The following APCDD1 variants were observed in gnomAD, a reference collection of about 807,000 sequenced individuals.
APCDD1 encodes the protein protein APCDD1.
Under a neutral mutation model 38.1 loss-of-function variants are expected in APCDD1, and 15 were observed. The observed-to-expected ratio is 0.39, with a 90% CI of 0.26 to 0.61. The LOEUF (loss-of-function observed/expected upper bound fraction) is 0.61. APCDD1 is among the 20% of genes least tolerant of loss of function. The probability of loss-of-function intolerance (pLI) is 0.49; values close to 1 mark genes in which losing one functional copy is unlikely to be tolerated. For missense variants in APCDD1, 647 were observed against 696.2 expected, an observed-to-expected ratio of 0.93 and a Z score of 0.79; for synonymous variants, 261 against 279.7, an observed-to-expected ratio of 0.93 and a Z score of 0.67.
chr18:10,479,994 G>C (rs1402749056), intron 3 of APCDD1, among the ~76,000 whole-genome samples: 1 of 152,016 alleles, frequency 6.6e-6, no homozygotes, highest in Non-Finnish European at 1.5e-5. Context: ...TCCCCTTTCT[G>C]ATGAAAGCTT....
chr18:10,457,153 T>C (rs2143503201), intron 1 of APCDD1, among the ~76,000 whole-genome samples: 1 of 152,314 alleles, frequency 6.6e-6, no homozygotes, highest in South Asian at 2.1e-4. Flanking sequence ...TATCAGACTC[T>C]AGTGCAGAAA....
rs753634389 is a variant in APCDD1, at chr18:10,475,676, AG to A, written c.774+3616del. On this transcript the variant is annotated intron_variant, in intron 3 of 4. Coordinates refer to ENST00000355285, the MANE Select transcript of APCDD1 (RefSeq NM_153000.5). This position sits in a 1 kb window ranked among gnomAD's most constrained non-coding sequence, Gnocchi z 4.0. The stretch of plus-strand genomic sequence containing the variant: ...AAAATTTAGATTAAAAAAAAAAAAA[AG>A]CAAGCAAACACTCCCAGACCCAGAG... 2.9e-5 allele frequency among the ~76,000 whole-genome samples: 4 copies of A among 139,462 alleles called. No individual in the cohort carries two copies. The highest frequency in any genetic ancestry group is 6.3e-5 in the Non-Finnish European group (4 of 63,988). 91.5% of individuals were successfully genotyped at this position (139,462 alleles called of 152,430 possible).
chr18:10,468,293 C>T (rs1351479314), intron 1 of APCDD1, among the ~76,000 whole-genome samples, 176 bp from the exon 2 acceptor site: 1 of 152,242 alleles, frequency 6.6e-6, no homozygotes, highest in Non-Finnish European at 1.5e-5. Context: ...TCTACAATGA[C>T]ACTTGCCACT....
rs2186950 is a variant in APCDD1, at chr18:10,467,129, T to G, written c.59-1340T>G. Among the ~76,000 whole-genome samples the G allele has an allele frequency of 0.11, 16,188 of 152,278 alleles. 988 individuals are homozygous for G. Among genetic ancestry groups the G allele is most frequent in the Middle Eastern group, 0.19 (57 of 294 alleles). ...TGTTTTGTCCACATGATGGTAAATA[T>G]CTGAATATTTAACAGATATCTGAAG... On this transcript the variant is annotated intron_variant, in intron 1 of 4. Transcript: ENST00000355285. The surrounding 1 kb of genome is among the most constrained non-coding windows in gnomAD (Gnocchi z 4.8).
intron 1 of APCDD1, among the ~76,000 whole-genome samples, chr18:10,465,558 A>G (rs2030687839): frequency 6.6e-6 from 1 of 152,260 alleles, no homozygotes; most frequent in Non-Finnish European, 1.5e-5. Context: ...ATTTTCTCAC[A>G]CAGCATCAAT....
In APCDD1 at chr18:10,471,410, C is replaced by A; in HGVS notation, c.243-120C>A. 2.3e-6 allele frequency: 3 copies of A among 1,303,428 alleles called. No homozygotes were observed. The highest frequency in any genetic ancestry group is 2.5e-5 in the South Asian group (2 of 79,482). The allele number at this position is 1,303,428 out of a possible 1,614,324, so 80.7% of individuals were successfully genotyped here. ...GTTGGTATCTATAAAGGGCTGACAACAGAGTCTGGCCCATCGTCAGCACTT... is the reference window on the plus strand; with the variant it reads ...GTTGGTATCTATAAAGGGCTGACAAAAGAGTCTGGCCCATCGTCAGCACTT... On this transcript the variant is annotated intron_variant, in intron 2 of 4. Transcript: ENST00000355285. The surrounding 1 kb of genome is among the most constrained non-coding windows in gnomAD (Gnocchi z 5.5).
In APCDD1 at chr18:10,489,648, G is replaced by A. The variant is rs62093513; in HGVS notation, c.*1610G>A. Reference sequence around the variant, plus strand: ...TGGGAGGTGGAGCTTGCAGTGAGCCGAGATTGTGCCACTGCGCTCGAGCCT... The same window carrying A: ...TGGGAGGTGGAGCTTGCAGTGAGCCAAGATTGTGCCACTGCGCTCGAGCCT... On this transcript the variant is annotated 3_prime_UTR_variant, in exon 5 of 5. Coordinates refer to ENST00000355285, the MANE Select transcript of APCDD1 (RefSeq NM_153000.5). 0.22 allele frequency: 32,875 copies of A among 151,450 alleles called. 3,960 individuals carry two copies. The highest frequency in any genetic ancestry group is 0.33 in the East Asian group (1,708 of 5,102). The allele number at this position is 151,450 out of a possible 1,614,324, so 9.4% of individuals were successfully genotyped here.
At chr18:10,466,914 A>G (rs2030730154) in intron 1 of APCDD1, among the ~76,000 whole-genome samples, 2 of 152,210 alleles carry the variant, frequency 1.3e-5, no homozygotes, top group Non-Finnish European at 2.9e-5. Flanking sequence ...CATTTAGTTG[A>G]GTAATACCCT....
At chr18:10,462,643 C>CTCCTTCCTTCCCTCCCTCCT (rs2030594855) in intron 1 of APCDD1, among the ~76,000 whole-genome samples, 1 of 15,806 alleles carries the variant, frequency 6.3e-5, no homozygotes. Flanking sequence ...CCTTCCCTCC[C>CTCCTTCCTTCCCTCCCTCCT]TCCTTCCTTC....
At chr18:10,459,167 G>A (rs1045832243) in intron 1 of APCDD1, among the ~76,000 whole-genome samples, 2 of 152,208 alleles carry the variant, frequency 1.3e-5, no homozygotes, top group African/African-American at 2.4e-5. Flanking sequence ...TCCACTGGCC[G>A]AAAGGTAGCA....
rs565976831 is a variant in APCDD1, at chr18:10,476,377, A to G, written c.774+4316A>G. On this transcript the variant is annotated intron_variant, in intron 3 of 4. Coordinates refer to ENST00000355285, the MANE Select transcript of APCDD1 (RefSeq NM_153000.5). The surrounding 1 kb of genome is among the most constrained non-coding windows in gnomAD (Gnocchi z 5.8). The stretch of plus-strand genomic sequence containing the variant: ...AGATTCAGGTGTGCTGGGAGGGTTC[A>G]TTCAGGATGGAACTGGCTACTCTTC... 5.3e-5 allele frequency: 8 copies of G among 152,366 alleles called. 1 individual carries two copies. Among genetic ancestry groups the G allele is most frequent in the African/African-American group, 1.9e-4 (8 of 41,602 alleles). The allele number at this position is 152,366 out of a possible 1,614,324, so 9.4% of individuals were successfully genotyped here.
At position 10,470,814 on chromosome 18, in the gene APCDD1, T is replaced by G. The variant is rs1231268002; in HGVS notation, c.243-716T>G. 1.3e-5 allele frequency among the ~76,000 whole-genome samples: 2 copies of G among 152,210 alleles called. No individual in the cohort carries two copies. The highest frequency in any genetic ancestry group is 6.5e-5 in the Admixed American group (1 of 15,292). ...CTGCTGTTATGCTCTGTAGATTCTG[T>G]CTCAGTGCTTCTGGCTCAGGAACCT... On this transcript the variant is annotated intron_variant, in intron 2 of 4. Coordinates refer to ENST00000355285, the MANE Select transcript of APCDD1 (RefSeq NM_153000.5). The surrounding 1 kb of genome is among the most constrained non-coding windows in gnomAD (Gnocchi z 4.1).
intron 1 of APCDD1, among the ~76,000 whole-genome samples, chr18:10,460,154 T>C (rs2030495752): frequency 6.6e-6 from 1 of 152,242 alleles, no homozygotes; most frequent in Admixed American, 6.5e-5. Flanking sequence ...ACTTTTGATT[T>C]CTCAGTCAAT....
intron 3 of APCDD1, among the ~76,000 whole-genome samples, chr18:10,483,497 C>T (rs2031184526): frequency 6.6e-6 from 1 of 152,228 alleles, no homozygotes; most frequent in Admixed American, 6.5e-5. Flanking sequence ...ATCTAATGCA[C>T]ACAGCAGCAG....
At chr18:10,458,926 G>T (rs1598394050) in intron 1 of APCDD1, among the ~76,000 whole-genome samples, 2 of 152,302 alleles carry the variant, frequency 1.3e-5, no homozygotes, top group South Asian at 4.1e-4. Flanking sequence ...TTGGTTTTGT[G>T]TACATAGGCC....
rs1269771127 is a variant in APCDD1 at position 10,472,071 on chromosome 18, A to T, written c.774+10A>T. On this transcript the variant is annotated intron_variant, in intron 3 of 4. Coordinates refer to ENST00000355285, the MANE Select transcript of APCDD1 (RefSeq NM_153000.5). This position sits in a 1 kb window ranked among gnomAD's most constrained non-coding sequence, Gnocchi z 6.6. ...TCTGCAGAATGCCAAGGTACCTCAG[A>T]GCTCTGTGTTCTCCTCTTTATTGAG... 6.2e-7 allele frequency: 1 copy of T among 1,612,998 alleles called. No homozygotes were observed. Among genetic ancestry groups the T allele is most frequent in the Admixed American group, 1.7e-5 (1 of 60,018 alleles).
chr18:10,472,087 C>G lies in APCDD1; in HGVS notation c.774+26C>G. The G allele has an allele frequency of 6.2e-7, 1 of 1,612,482 alleles. No homozygotes were observed. The highest frequency in any genetic ancestry group is 8.5e-7 in the Non-Finnish European group (1 of 1,179,982). ...GTACCTCAGAGCTCTGTGTTCTCCT[C>G]TTTATTGAGTAAAGTGGGTGATCCT... On this transcript the variant is annotated intron_variant, in intron 3 of 4. Coordinates refer to ENST00000355285, the MANE Select transcript of APCDD1 (RefSeq NM_153000.5). The surrounding 1 kb of genome is among the most constrained non-coding windows in gnomAD (Gnocchi z 6.6).
At position 10,463,891 on chromosome 18, in the gene APCDD1, T is replaced by C. The variant is rs1598395553; in HGVS notation, c.59-4578T>C. Among the ~76,000 whole-genome samples the C allele has an allele frequency of 2.6e-5, 4 of 152,294 alleles. 1 individual carries two copies. Among genetic ancestry groups the C allele is most frequent in the Admixed American group, 2.6e-4 (4 of 15,300 alleles). On this transcript the variant is annotated intron_variant, in intron 1 of 4. Transcript: ENST00000355285. ...AGAGTGTGAGCCTGAAATCACTGTG[T>C]TCTTGGGGAGCTGTGCCAGCCTTGG...
chr18:10,479,712 G>A (rs570391842), intron 3 of APCDD1, among the ~76,000 whole-genome samples: 7 of 152,120 alleles, frequency 4.6e-5, no homozygotes, highest in African/African-American at 7.2e-5. Flanking sequence ...TAGTTGCCTC[G>A]TCTGTAAAAT....
Sources: gnomAD v4.1 joint callset for allele counts (sites outside exome capture counted in the v4.1 genomes callset) on GRCh38, gnomAD v4.1.1 for gene constraint, Gnocchi (gnomAD v3.1) non-coding constraint, MANE v1.5 for transcripts, NCBI Gene and HGNC (gene_info 2026-07-23, HGNC 2026-07-21) for gene names.